PLA2R1: variants seen among roughly 807,000 people sequenced by gnomAD.
The protein encoded by PLA2R1 is secretory phospholipase A2 receptor.
A neutral mutation model predicts 195.9 loss-of-function variants in PLA2R1; 158 were observed. That is an observed-to-expected ratio of 0.81 (90% CI 0.71 to 0.92). The LOEUF (loss-of-function observed/expected upper bound fraction) is 0.92. Among genes scored for constraint, PLA2R1 ranks in the 40% least tolerant of loss-of-function variants. The pLI, the probability that PLA2R1 is intolerant of heterozygous loss-of-function variation, is 0.00. For missense variants in PLA2R1, 1,626 were observed against 1,764.6 expected, an observed-to-expected ratio of 0.92 and a Z score of 1.41; for synonymous variants, 586 against 598.2, an observed-to-expected ratio of 0.98 and a Z score of 0.30.
rs143871942 is a variant in PLA2R1, at chr2:160,045,153, T to C, written c.114A>G (p.Lys38=). 34 of 1,588,276 alleles carry C rather than the reference T, an allele frequency of 2.1e-5. No individual in the cohort carries two copies. In the Middle Eastern group the frequency reaches 1.0e-3, roughly 47 times the overall value. The part of the protein sequence containing the change: ...TPERLLEWQD[K]GIFVIQSESL... ...TCTCACTTTGGATAACAAATATTCC[T>C]TTATCTGAAACAAAAATCAAAGATG... The change falls in exon 2 of 30, where the codon AAA becomes AAG. Residue 38 remains lysine (K), a synonymous_variant. Transcript: ENST00000283243.
rs1560119526 is a variant in PLA2R1, at chr2:159,933,232, G to C, written c.*8546C>G. 1 of 152,136 alleles carries C rather than the reference G, an allele frequency of 6.6e-6. No homozygotes were observed. The highest frequency in any genetic ancestry group is 1.5e-5 in the Non-Finnish European group (1 of 68,016). 9.4% of individuals were successfully genotyped at this position (152,136 alleles called of 1,614,324 possible). A position where few individuals can be genotyped will look rare whatever the true frequency, so the allele number is the denominator to read the frequency against. ...GTAAAGAAGGTCACCGGTATACATA[G>C]GGTTCATTTTGTGGTTTTAGTTATT... is the stretch of plus-strand genomic sequence containing the variant. On this transcript the variant is annotated 3_prime_UTR_variant, in exon 30 of 30. Transcript: ENST00000283243.
At chr2:159,946,780 T>C (rs893510389) in intron 27 of PLA2R1, 21 bp downstream of exon 27, 1 of 1,585,944 alleles carries the variant, frequency 6.3e-7, no homozygotes. Flanking sequence ...TTATGTCCTC[T>C]CCTCTACCCA....
Position 159,976,159 on chromosome 2 carries a change from T to A in PLA2R1, c.2504A>T (p.Asn835Ile), listed in dbSNP as rs1395059114. The change falls in exon 17 of 30, where the codon AAC becomes ATC. Residue 835 changes from asparagine (N) to isoleucine (I), a missense_variant. By Grantham distance (149) the Asn-to-Ile change is moderately radical. Transcript: ENST00000283243. ...CAGCCAGCTACAGACAAACTCAAAGTTCAACCATTCTGAGGCAAAGGTATG... is the reference window on the plus strand; with the variant it reads ...CAGCCAGCTACAGACAAACTCAAAGATCAACCATTCTGAGGCAAAGGTATG... ...LFHTFASEWL[N>I]FEFVCSWLHS... 25 of 1,611,884 alleles carry A rather than the reference T, an allele frequency of 1.6e-5. No homozygotes were observed. The highest frequency in any genetic ancestry group is 2.0e-5 in the Non-Finnish European group (24 of 1,178,222).
intron 17 of PLA2R1, among the ~76,000 whole-genome samples, chr2:159,972,523 C>T (rs1295856807): frequency 6.6e-6 from 1 of 152,114 alleles, no homozygotes; most frequent in Non-Finnish European, 1.5e-5. Flanking sequence ...CTACATTAAT[C>T]CATAAAGCAA....
At position 160,033,036 on chromosome 2, in the gene PLA2R1, TCA is replaced by T; in HGVS notation, c.762_763del (p.Ser254ArgfsTer19). 6.2e-7 allele frequency: 1 copy of T among 1,613,456 alleles called. No homozygotes were observed. The highest frequency in any genetic ancestry group is 1.7e-5 in the Admixed American group (1 of 59,982). On this transcript the variant is annotated frameshift_variant, in exon 4 of 30. Transcript: ENST00000283243. LOFTEE classifies it high-confidence loss of function. ...TTGCATCTGGCATGAAGAATGTGCC[TCA>T]CTCCAAGAGAGAGATGAAAGCAGGT... is the stretch of plus-strand genomic sequence containing the variant.
intron 1 of PLA2R1, among the ~76,000 whole-genome samples, chr2:160,052,883 A>C (rs1439120521): frequency 6.6e-6 from 1 of 152,238 alleles, no homozygotes; most frequent in East Asian, 1.9e-4. Flanking sequence ...CCATTAAAAG[A>C]AAAATCATTT....
At position 159,955,820 on chromosome 2, in the gene PLA2R1, T is replaced by C. The variant is rs759520911; in HGVS notation, c.3031A>G (p.Thr1011Ala). Reference sequence around the variant, plus strand: ...GTGGTCTGGCCAAAAAGATTCATAGTAATGAAAGCTGAAAAACAGGAATAC... The same window carrying C: ...GTGGTCTGGCCAAAAAGATTCATAGCAATGAAAGCTGAAAAACAGGAATAC... ...IESEVEQAFITMNLFGQTTSV... is the reference protein window; with the variant it reads ...IESEVEQAFIAMNLFGQTTSV... The change falls in exon 22 of 30, where the codon ACT (threonine) becomes GCT (alanine). Residue 1011 changes from threonine (T) to alanine (A), a missense_variant. By Grantham distance (58) the Thr-to-Ala change is moderately conservative. Coordinates refer to ENST00000283243, the MANE Select transcript of PLA2R1 (RefSeq NM_007366.5). 5.6e-6 allele frequency: 9 copies of C among 1,596,134 alleles called. No homozygotes were observed. The Admixed American group carries it at 1.5e-4, about 27-fold the overall frequency.
chr2:160,033,641 T>C (rs1250939845), intron 3 of PLA2R1, among the ~76,000 whole-genome samples: 1 of 152,164 alleles, frequency 6.6e-6, no homozygotes, highest in Non-Finnish European at 1.5e-5. Context: ...CACTGACATA[T>C]AGTTTAAGAA....
At chr2:159,963,917 C>T (rs1010285968) in intron 20 of PLA2R1, among the ~76,000 whole-genome samples, 1 of 152,114 alleles carries the variant, frequency 6.6e-6, no homozygotes, top group African/African-American at 2.4e-5. Context: ...CAAACAGAGA[C>T]TTACACACCA....
At chr2:160,059,754 G>A (rs1695827833) in intron 1 of PLA2R1, among the ~76,000 whole-genome samples, 2 of 152,214 alleles carry the variant, frequency 1.3e-5, no homozygotes, top group African/African-American at 2.4e-5. Flanking sequence ...GAATCATGGT[G>A]GGAGGCGAAA....
At chr2:160,049,926 A>T (rs1275611508) in intron 1 of PLA2R1, among the ~76,000 whole-genome samples, 1 of 152,194 alleles carries the variant, frequency 6.6e-6, no homozygotes, top group African/African-American at 2.4e-5. Flanking sequence ...ACATGGACAC[A>T]GGGAGGGAAA....
intron 20 of PLA2R1, among the ~76,000 whole-genome samples, chr2:159,964,145 G>A (rs1226873244): frequency 1.3e-5 from 2 of 152,112 alleles, no homozygotes; most frequent in East Asian, 1.9e-4. Context: ...CAGACACAAG[G>A]ACAAATATTG....
chr2:159,981,843 T>C (rs1225595586), intron 13 of PLA2R1, among the ~76,000 whole-genome samples: 1 of 152,184 alleles, frequency 6.6e-6, no homozygotes, highest in Non-Finnish European at 1.5e-5. Flanking sequence ...ACCCAGCTAA[T>C]TTTGAAAAAT....
At chr2:159,979,757 G>A in intron 14 of PLA2R1, 73 bp downstream of exon 14, 1 of 763,490 alleles carries the variant, frequency 1.3e-6, no homozygotes, top group Middle Eastern at 2.3e-4. Context: ...AGGTTCTCTT[G>A]GTTGGTTTAC....
rs139352399 is a variant in PLA2R1, at chr2:160,040,377, C to T, written c.667+1648G>A. 2.5e-3 allele frequency among the ~76,000 whole-genome samples: 384 copies of T among 152,256 alleles called. 2 individuals carry two copies. Among genetic ancestry groups the T allele is most frequent in the African/African-American group, 8.7e-3 (360 of 41,536 alleles). ...TTCCCAACCCCCACACTAAGGTCTC[C>T]ATTGCGATTGACCAATAGCCCATAC... On this transcript the variant is annotated intron_variant, in intron 3 of 29. Coordinates refer to ENST00000283243, the MANE Select transcript of PLA2R1 (RefSeq NM_007366.5).
At chr2:159,949,838 T>TAC in intron 24 of PLA2R1, 62 bp from the exon 25 acceptor site, 1 of 1,328,450 alleles carries the variant, frequency 7.5e-7, no homozygotes, top group Non-Finnish European at 1.1e-6. Flanking sequence ...CACCCAGTGT[T>TAC]ATCTGAGCAT....
At chr2:160,020,338 A>G in intron 7 of PLA2R1, 75 bp from the exon 8 acceptor site, 1 of 845,904 alleles carries the variant, frequency 1.2e-6, no homozygotes, top group South Asian at 1.7e-5. Context: ...AGTTATTACT[A>G]AAATATACCA....
chr2:159,958,703 G>C (rs1688257245), intron 20 of PLA2R1, among the ~76,000 whole-genome samples: 1 of 152,164 alleles, frequency 6.6e-6, no homozygotes, highest in Non-Finnish European at 1.5e-5. Flanking sequence ...TCTCCAACAG[G>C]ACAATTTTGC....
At chr2:160,031,994 T>C (rs1356354060) in intron 4 of PLA2R1, among the ~76,000 whole-genome samples, 1 of 152,220 alleles carries the variant, frequency 6.6e-6, no homozygotes, top group African/African-American at 2.4e-5. Flanking sequence ...CTTGAACTCT[T>C]GGCCTCAACT....
Sources: allele counts gnomAD v4.1 joint callset (sites outside exome capture counted in the v4.1 genomes callset), GRCh38; gene constraint gnomAD v4.1.1; transcripts MANE v1.5; gene names NCBI Gene and HGNC (gene_info 2026-07-23, HGNC 2026-07-21).